Variants in SPRYD3 observed in about 807,000 individuals in gnomAD.
SPRYD3 encodes SPRY domain containing 3, also known as SPRY domain-containing protein 3.
SPRYD3 carries 17 observed loss-of-function variants against 50.1 expected under a neutral mutation model. The ratio of observed to expected loss-of-function variants is 0.34; its 90% confidence interval spans 0.23 to 0.51. The LOEUF is 0.51. Ranked by LOEUF, SPRYD3 falls within the 20% of genes least tolerant of loss-of-function variation. The pLI is 0.97. For missense variants in SPRYD3, 401 were observed against 591.2 expected (o/e 0.68, Z 3.34); for synonymous variants, 198 against 215.5 (o/e 0.92, Z 0.71).
chr12:53,077,462 G>A, intron 1 of SPRYD3, among the ~76,000 whole-genome samples: 1 of 152,254 alleles, frequency 6.6e-6, no homozygotes, highest in Non-Finnish European at 1.5e-5. Context: ...GCTAGGGATG[G>A]AGCTGTGAAC....
intron 5 of SPRYD3, among the ~76,000 whole-genome samples, chr12:53,073,706 T>C (rs549863649): frequency 8.3e-4 from 126 of 151,668 alleles, no homozygotes; most frequent in Admixed American, 3.3e-3. Context: ...TAGCCGGGCG[T>C]GGTGGCGGGC....
intron 2 of SPRYD3, 90 bp from the exon 3 acceptor site, chr12:53,075,901 G>T: frequency 2.0e-6 from 2 of 984,252 alleles, no homozygotes; most frequent in Non-Finnish European, 3.2e-6. Context: ...ACCCTGCAAG[G>T]GCCAGCACAC....
At chr12:53,067,610 C>G (rs770767558) in intron 8 of SPRYD3, 38 bp downstream of exon 8, 1 of 1,603,276 alleles carries the variant, frequency 6.2e-7, no homozygotes. Flanking sequence ...CTCCACATCT[C>G]CCACCATCCC....
chr12:53,077,967 G>C (rs950552377), intron 1 of SPRYD3: 2 of 279,004 alleles, frequency 7.2e-6, no homozygotes, highest in Non-Finnish European at 1.5e-5. Context: ...CAGGAGGATC[G>C]CTTGAGGCCA....
chr12:53,075,834 A>G (rs966238895), intron 2 of SPRYD3, 23 bp from the exon 3 acceptor site: 2 of 1,603,146 alleles, frequency 1.2e-6, no homozygotes, highest in Non-Finnish European at 8.5e-7. Context: ...TGAGGGGGGA[A>G]TTCCATTAGC....
intron 6 of SPRYD3, 31 bp downstream of exon 6, chr12:53,073,255 A>AGCCCCCGGGGGGGGGGGGGGGG: frequency 1.0e-5 from 4 of 383,666 alleles, no homozygotes; most frequent in Non-Finnish European, 1.5e-5. Context: ...CCTCCGACCC[A>AGCCCCCGGGGGGGGGGGGGGGG]GCCCCTCCCA....
chr12:53,066,520 C>T, intron 9 of SPRYD3, 34 bp from the exon 10 acceptor site: 1 of 1,614,054 alleles, frequency 6.2e-7, no homozygotes, highest in East Asian at 2.2e-5. Flanking sequence ...TCCTGTGGTG[C>T]CTTTCCACCC....
At chr12:53,073,899 TA>T (rs931479465) in intron 5 of SPRYD3, among the ~76,000 whole-genome samples, 340 of 137,608 alleles carry the variant, frequency 2.5e-3, no homozygotes, top group East Asian at 3.1e-3. Context: ...ACTGACAGAT[TA>T]AAAAAAAAAA....
chr12:53,074,939 C>T lies in SPRYD3; in HGVS notation c.372-155G>A. 1 of 1,343,188 alleles carries T rather than the reference C, an allele frequency of 7.4e-7. No individual in the cohort carries two copies. The highest frequency in any genetic ancestry group is 1.4e-5 in the African/African-American group (1 of 69,418). The allele number at this position is 1,343,188 out of a possible 1,614,324, so 83.2% of individuals were successfully genotyped here. ...GGCGTGAGCATCACCCTCCTCTAGT[C>T]TGTAAGCCTTCAAGGGTGCTGCCAG... On this transcript the variant is annotated intron_variant, in intron 4 of 10. Transcript: ENST00000301463. The surrounding 1 kb of genome is among the most constrained non-coding windows in gnomAD (Gnocchi z 4.6).
chr12:53,066,661 C>A lies in SPRYD3; in HGVS notation c.933G>T (p.Val311=), dbSNP rs1267593978. 1 of 1,613,376 alleles carries A rather than the reference C, an allele frequency of 6.2e-7. No individual in the cohort carries two copies. The highest frequency in any genetic ancestry group is 1.7e-5 in the Admixed American group (1 of 59,928). ...DDGKIFHGSG[V]GDPFGPRCYK... ...AACAGCGTGGCCCAAAGGGGTCCCCCACACCACTGCCATGGAAGATCTTCC... is the reference window on the plus strand; with the variant it reads ...AACAGCGTGGCCCAAAGGGGTCCCCAACACCACTGCCATGGAAGATCTTCC... Residue 311 remains valine (V), a synonymous_variant, in exon 9 of 11, where the codon GTG becomes GTT. Coordinates refer to ENST00000301463, the MANE Select transcript of SPRYD3 (RefSeq NM_032840.3).
Position 53,075,082 on chromosome 12 carries a change from G to A in SPRYD3, c.371+13C>T. 6.2e-7 allele frequency: 1 copy of A among 1,609,068 alleles called. No individual in the cohort carries two copies. The highest frequency in any genetic ancestry group is 1.1e-5 in the South Asian group (1 of 90,994). On this transcript the variant is annotated intron_variant, in intron 4 of 10. Coordinates refer to ENST00000301463, the MANE Select transcript of SPRYD3 (RefSeq NM_032840.3). ...CATAGGAAAAGGGCCGGGTTGCACAGGAGCCAACTCACTTGCCATCATCAG... is the reference window on the plus strand; with the variant it reads ...CATAGGAAAAGGGCCGGGTTGCACAAGAGCCAACTCACTTGCCATCATCAG...
Position 53,073,358 on chromosome 12 carries a change from G to A in SPRYD3, c.621C>T (p.Asp207=), listed in dbSNP as rs370392273. 91 of 1,586,652 alleles carry A rather than the reference G, an allele frequency of 5.7e-5. 1 individual carries two copies. Among genetic ancestry groups the A allele is most frequent in the Middle Eastern group, 5.0e-4 (3 of 6,024 alleles). The change falls in exon 6 of 11, where the codon GAC becomes GAT. Residue 207 remains aspartate, a synonymous_variant. Coordinates refer to ENST00000301463, the MANE Select transcript of SPRYD3 (RefSeq NM_032840.3). ...LHLNAELGRE[D]DSVMMVDSYE... is the part of the protein sequence containing the mutation. ...AACTGTCCACCATCATGACGCTGTC[G>A]TCCTCACGGCCCAGCTCAGCGTTGA...
At chr12:53,075,321 A>G in intron 3 of SPRYD3, 102 bp from the exon 4 acceptor site, 1 of 1,233,310 alleles carries the variant, frequency 8.1e-7, no homozygotes, top group Non-Finnish European at 1.1e-6. Flanking sequence ...GCTGAGGCTC[A>G]AAAAGAAAAA....
Position 53,077,228 on chromosome 12 carries a change from G to A in SPRYD3, c.57C>T (p.Asn19=), listed in dbSNP as rs981558136. The change falls in exon 2 of 11, where the codon AAC becomes AAT. Residue 19 remains asparagine (N), a synonymous_variant. Transcript: ENST00000301463. ...GCCAATTCAGAAACCGGTAGTGCAG[G>A]TTGAGGTCATCCATCTTGTTCATGA... ...FVLMNKMDDL[N]LHYRFLNWRR... 9.9e-6 allele frequency: 16 copies of A among 1,614,082 alleles called. No individual in the cohort carries two copies. The highest frequency in any genetic ancestry group is 1.4e-5 in the Non-Finnish European group (16 of 1,180,040).
intron 7 of SPRYD3, 115 bp from the exon 8 acceptor site, chr12:53,067,820 T>G: frequency 1.1e-6 from 1 of 945,592 alleles, no homozygotes; most frequent in Non-Finnish European, 1.7e-6. Flanking sequence ...GTGCCAACCC[T>G]GCACACTCAT....
intron 5 of SPRYD3, 48 bp from the exon 6 acceptor site, chr12:53,073,519 A>G: frequency 7.0e-7 from 1 of 1,432,616 alleles, no homozygotes; most frequent in Non-Finnish European, 9.5e-7. Context: ...GCTTTTCCAT[A>G]GCTCACCTAA....
At position 53,068,174 on chromosome 12, in the gene SPRYD3, G is replaced by T; in HGVS notation, c.824C>A (p.Ala275Asp). The T allele has an allele frequency of 6.2e-7, 1 of 1,614,214 alleles. No homozygotes were observed. The highest frequency in any genetic ancestry group is 8.5e-7 in the Non-Finnish European group (1 of 1,180,038). The change falls in exon 7 of 11, where the codon GCC becomes GAC. Residue 275 changes from alanine (A) to aspartate (D), a missense_variant. Ala to Asp is a moderately radical substitution (Grantham distance 126, BLOSUM62 -2). Coordinates refer to ENST00000301463, the MANE Select transcript of SPRYD3 (RefSeq NM_032840.3). ...IVDPGEKCYIALGLARKDYPK... is the reference protein window; with the variant it reads ...IVDPGEKCYIDLGLARKDYPK... ...GCCCACCTTCCGTGCCAGCCCCAGG[G>T]CGATGTAGCATTTCTCTCCAGGGTC...
At chr12:53,072,404 G>T (rs1162588357) in intron 6 of SPRYD3, among the ~76,000 whole-genome samples, 1 of 152,182 alleles carries the variant, frequency 6.6e-6, no homozygotes, top group East Asian at 1.9e-4. Context: ...CAAAGACTGA[G>T]TTGAAAACAG....
chr12:53,079,225 G>C, intron 1 of SPRYD3, 86 bp downstream of exon 1: 1 of 1,382,126 alleles, frequency 7.2e-7, no homozygotes, highest in Non-Finnish European at 1.0e-6. Context: ...CCTGGCCCCA[G>C]AGCCCCCGCC....
Sources: allele counts gnomAD v4.1 joint callset (sites outside exome capture counted in the v4.1 genomes callset), GRCh38; gene constraint gnomAD v4.1.1; non-coding constraint Gnocchi (gnomAD v3.1); transcripts MANE v1.5; gene names NCBI Gene and HGNC (gene_info 2026-07-23, HGNC 2026-07-21).